DSCAML1: variants seen among roughly 807,000 people sequenced by gnomAD.
The protein encoded by DSCAML1 is DS cell adhesion molecule like 1, also known as cell adhesion molecule DSCAML1.
A neutral mutation model predicts 200.5 loss-of-function variants in DSCAML1; 38 were observed. The observed-to-expected ratio is 0.19, with a 90% CI of 0.15 to 0.25. DSCAML1 has a LOEUF of 0.25. Among genes scored for constraint, DSCAML1 ranks in the 10% least tolerant of loss-of-function variants. The probability of loss-of-function intolerance (pLI) is 1.00; values close to 1 mark genes in which losing one functional copy is unlikely to be tolerated. For missense variants in DSCAML1, 2,223 were observed against 2,858.8 expected, an observed-to-expected ratio of 0.78 and a Z score of 5.07; for synonymous variants, 1,215 against 1,165.0, an observed-to-expected ratio of 1.04 and a Z score of -0.87.
Position 117,518,686 on chromosome 11 carries a change from C to G in DSCAML1, c.1290G>C (p.Ala430=), listed in dbSNP as rs756680782. The change falls in exon 7 of 33, where the codon GCG becomes GCC. Residue 430 remains alanine, a synonymous_variant. Transcript: ENST00000651296. This position sits in a 1 kb window ranked among gnomAD's most constrained non-coding sequence, Gnocchi z 6.3. ...CCGTGGGGGGCGGGGCGCCCTTGGCCGCACACATCAGTGAGAACTGCTCCC... is the reference window on the plus strand; with the variant it reads ...CCGTGGGGGGCGGGGCGCCCTTGGCGGCACACATCAGTGAGAACTGCTCCC... The part of the protein sequence containing the change: ...NPGEQFSLMC[A]AKGAPPPTVT... The G allele has an allele frequency of 2.5e-6, 4 of 1,613,348 alleles. No individual in the cohort carries two copies. The South Asian group carries it at 4.4e-5, about 18-fold the overall frequency.
At chr11:117,653,603 G>A (rs2052675661) in intron 3 of DSCAML1, among the ~76,000 whole-genome samples, 1 of 152,200 alleles carries the variant, frequency 6.6e-6, no homozygotes, top group Non-Finnish European at 1.5e-5. Flanking sequence ...CACCCTGCTG[G>A]TGGGAGTGTA....
intron 8 of DSCAML1, among the ~76,000 whole-genome samples, chr11:117,512,529 T>C (rs2049647233): frequency 6.6e-6 from 1 of 152,176 alleles, no homozygotes; most frequent in African/African-American, 2.4e-5. Context: ...ACACCCATGC[T>C]GCTTCTTGGT....
intron 4 of DSCAML1, among the ~76,000 whole-genome samples, chr11:117,526,654 A>G (rs1421916619): frequency 6.6e-6 from 1 of 151,992 alleles, no homozygotes; most frequent in Non-Finnish European, 1.5e-5. Flanking sequence ...AGAAGCTGGG[A>G]TTACAGGTGC....
chr11:117,524,716 C>A, intron 5 of DSCAML1, 89 bp downstream of exon 5: 1 of 1,456,504 alleles, frequency 6.9e-7, no homozygotes, highest in South Asian at 1.3e-5. Context: ...TGGTCAGAGA[C>A]AGGTCCAGCT....
intron 3 of DSCAML1, among the ~76,000 whole-genome samples, chr11:117,568,866 CTACTT>C (rs1236681196): frequency 6.6e-6 from 1 of 152,172 alleles, no homozygotes; most frequent in Non-Finnish European, 1.5e-5. Context: ...TTGGAAAAAA[CTACTT>C]TAAAGTTCAT....
chr11:117,471,745 G>T, intron 15 of DSCAML1, 124 bp downstream of exon 15: 1 of 1,163,740 alleles, frequency 8.6e-7, no homozygotes. Context: ...CATCTGTTAG[G>T]ATGCTTTTCC....
At position 117,769,501 on chromosome 11, in the gene DSCAML1, A is replaced by ATATATATTTTATATATATTT. The variant is rs2054994298; in HGVS notation, c.511+7289_511+7290insAAATATATATAAAATATATA. On this transcript the variant is annotated intron_variant, in intron 3 of 32. Coordinates refer to ENST00000651296, the MANE Select transcript of DSCAML1 (RefSeq NM_020693.4). ...ATATAATATATATTTTATATATATA[A>ATATATATTTTATATATATTT]TATATATTTTATATATATTATATAT... 4.6e-3 allele frequency among the ~76,000 whole-genome samples: 26 copies of ATATATATTTTATATATATTT among 5,650 alleles called. 1 individual carries two copies. Among genetic ancestry groups the ATATATATTTTATATATATTT allele is most frequent in the East Asian group, 0.014 (2 of 142 alleles). The allele number at this position is 5,650 out of a possible 152,430, so 3.7% of individuals were successfully genotyped here. A position where few individuals can be genotyped will look rare whatever the true frequency, so the allele number is the denominator to read the frequency against.
chr11:117,555,444 G>A (rs2050543354), intron 3 of DSCAML1, among the ~76,000 whole-genome samples: 1 of 152,188 alleles, frequency 6.6e-6, no homozygotes, highest in African/African-American at 2.4e-5. Flanking sequence ...GGTGCGCAGG[G>A]AGCCCAGAGG....
intron 1 of DSCAML1, among the ~76,000 whole-genome samples, chr11:117,815,439 A>T (rs1242508696): frequency 6.6e-6 from 1 of 152,192 alleles, no homozygotes; most frequent in Admixed American, 6.5e-5. Context: ...AGCTGCAGGC[A>T]GGGCTTCCGG....
At chr11:117,784,857 T>C (rs2055322515) in intron 1 of DSCAML1, among the ~76,000 whole-genome samples, 1 of 152,162 alleles carries the variant, frequency 6.6e-6, no homozygotes, top group Non-Finnish European at 1.5e-5. Context: ...ATGGGGCAGT[T>C]CTTGATTCCC....
chr11:117,746,549 C>T (rs955189147), intron 3 of DSCAML1, among the ~76,000 whole-genome samples: 3 of 152,140 alleles, frequency 2.0e-5, no homozygotes, highest in Admixed American at 1.3e-4. Flanking sequence ...CTCCTCAGAT[C>T]CAAGCCTCCC....
intron 1 of DSCAML1, among the ~76,000 whole-genome samples, chr11:117,791,552 A>G (rs1334459341): frequency 6.6e-6 from 1 of 152,202 alleles, no homozygotes; most frequent in Non-Finnish European, 1.5e-5. Context: ...AGCCAACTTC[A>G]GCCCTCTTCA....
At chr11:117,646,215 A>T (rs1005203722) in intron 3 of DSCAML1, among the ~76,000 whole-genome samples, 5 of 152,048 alleles carry the variant, frequency 3.3e-5, no homozygotes, top group Admixed American at 6.5e-5. Context: ...TTTATTGCAA[A>T]AATATAGTCT....
chr11:117,731,215 A>G (rs1407030709), intron 3 of DSCAML1, among the ~76,000 whole-genome samples: 1 of 152,250 alleles, frequency 6.6e-6, no homozygotes, highest in Non-Finnish European at 1.5e-5. Flanking sequence ...AAGGTGGTCA[A>G]TCACAGATTA....
At chr11:117,699,595 C>T (rs1314303867) in intron 3 of DSCAML1, among the ~76,000 whole-genome samples, 3 of 152,156 alleles carry the variant, frequency 2.0e-5, no homozygotes, top group Non-Finnish European at 2.9e-5. Flanking sequence ...CCACATGCAC[C>T]GCAGTTTCAC....
At chr11:117,533,525 T>C (rs1474871711) in intron 3 of DSCAML1, among the ~76,000 whole-genome samples, 2 of 152,164 alleles carry the variant, frequency 1.3e-5, no homozygotes, top group Non-Finnish European at 2.9e-5. Context: ...ACAAAAATCA[T>C]TCAAACAGTT....
intron 22 of DSCAML1, 48 bp downstream of exon 22, chr11:117,439,771 A>G (rs35862038): frequency 0.014 from 21,023 of 1,548,832 alleles, 198 homozygotes; most frequent in Non-Finnish European, 0.017. Flanking sequence ...CTCTTCTACT[A>G]TATCCCTCTT....
intron 3 of DSCAML1, among the ~76,000 whole-genome samples, chr11:117,667,209 C>T (rs1276969565): frequency 6.6e-6 from 1 of 152,092 alleles, no homozygotes; most frequent in Non-Finnish European, 1.5e-5. Flanking sequence ...GTCAGGAGTT[C>T]GAGACCAGCC....
chr11:117,814,135 T>TAA, intron 1 of DSCAML1, among the ~76,000 whole-genome samples: 1 of 151,650 alleles, frequency 6.6e-6, no homozygotes, highest in Non-Finnish European at 1.5e-5. Flanking sequence ...TGACCCCCCT[T>TAA]CCCTGCCCAC....
Sources: gnomAD v4.1 joint callset for allele counts (sites outside exome capture counted in the v4.1 genomes callset) on GRCh38, gnomAD v4.1.1 for gene constraint, Gnocchi (gnomAD v3.1) non-coding constraint, MANE v1.5 for transcripts, NCBI Gene and HGNC (gene_info 2026-07-23, HGNC 2026-07-21) for gene names.